NSD1: variants seen among roughly 807,000 people sequenced by gnomAD.
NSD1 encodes histone-lysine N-methyltransferase, H3 lysine-36 specific.
NSD1 carries 26 observed loss-of-function variants against 242.7 expected under a neutral mutation model. The ratio of observed to expected loss-of-function variants is 0.11; its 90% CI spans 0.08 to 0.15. NSD1 has a LOEUF of 0.15. Among genes scored for constraint, NSD1 ranks in the 10% least tolerant of loss-of-function variants. The pLI is 1.00. For missense variants in NSD1, 2,495 were observed against 3,272.8 expected (o/e 0.76, Z 5.80); for synonymous variants, 1,106 against 1,178.1 (o/e 0.94, Z 1.25).
At chr5:177,246,357 C>T (rs1766293764) in intron 9 of NSD1, among the ~76,000 whole-genome samples, 1 of 152,138 alleles carries the variant, frequency 6.6e-6, no homozygotes. Context: ...TAGTAAAATG[C>T]ATTTCCCCTT....
intron 8 of NSD1, among the ~76,000 whole-genome samples, 157 bp from the exon 9 acceptor site, chr5:177,244,038 G>A (rs1468134885): frequency 3.3e-5 from 5 of 152,180 alleles, no homozygotes; most frequent in Admixed American, 2.6e-4. Flanking sequence ...TGAAGTTTCC[G>A]TTCAACCCTT....
chr5:177,212,745 A>G lies in NSD1; in HGVS notation c.3796+550A>G, dbSNP rs546599177. ...CCAGTTGTTAGGTTATAGAAAGCAA[A>G]TAGATTCTATTGGATGGTAGTTTCT... On this transcript the variant is annotated intron_variant, in intron 5 of 22. Coordinates refer to ENST00000439151, the MANE Select transcript of NSD1 (RefSeq NM_022455.5). Among the ~76,000 whole-genome samples, 8 of 152,112 alleles carry G rather than the reference A, an allele frequency of 5.3e-5. No individual in the cohort carries two copies. In the East Asian group the frequency reaches 1.5e-3, roughly 29 times the overall value.
rs1195041731 is a variant in NSD1, at chr5:177,210,297, G to A, written c.1898G>A (p.Ser633Asn). 7 of 1,610,950 alleles carry A rather than the reference G, an allele frequency of 4.3e-6. No homozygotes were observed. The highest frequency in any genetic ancestry group is 5.9e-6 in the Non-Finnish European group (7 of 1,178,172). The change falls in exon 5 of 23, where the codon AGT becomes AAT. Residue 633 changes from serine to asparagine, a missense_variant. Transcript: ENST00000439151. ...GGAGCAGGTGATGAGGAAAAGCGAA[G>A]TGATTCCATTAGTATCTGTACCACT... ...YIGAGDEEKR[S>N]DSISICTTSD...
intron 2 of NSD1, among the ~76,000 whole-genome samples, chr5:177,185,793 A>ATATATATT (rs1199784946): frequency 3.9e-4 from 10 of 25,326 alleles, no homozygotes; most frequent in East Asian, 0.02. Context: ...TGTATATTAT[A>ATATATATT]TATATATATA....
chr5:177,204,620 G>A (rs559354159), intron 4 of NSD1, among the ~76,000 whole-genome samples: 89 of 152,284 alleles, frequency 5.8e-4, no homozygotes, highest in Non-Finnish European at 1.1e-3. Flanking sequence ...TTACAGGTGT[G>A]AGCCACTGTG....
chr5:177,296,853 T>G lies in NSD1; in HGVS notation c.*1394T>G, dbSNP rs1365171651. 5.1e-5 allele frequency: 12 copies of G among 233,238 alleles called. No individual in the cohort carries two copies. The highest frequency in any genetic ancestry group is 8.5e-5 in the Non-Finnish European group (10 of 118,090). The allele number at this position is 233,238 out of a possible 1,614,324, so 14.4% of individuals were successfully genotyped here. On this transcript the variant is annotated 3_prime_UTR_variant, in exon 23 of 23. Transcript: ENST00000439151. ...TGTTTGGCTAGTTTCCTCCCACTTGTCTACCCCTCCTTTGTCCTTAGACCA... is the reference window on the plus strand; with the variant it reads ...TGTTTGGCTAGTTTCCTCCCACTTGGCTACCCCTCCTTTGTCCTTAGACCA...
chr5:177,244,516 A>T (rs1219587578), intron 9 of NSD1, among the ~76,000 whole-genome samples: 3 of 152,204 alleles, frequency 2.0e-5, no homozygotes, highest in Admixed American at 6.5e-5. Flanking sequence ...TTAGGTTATT[A>T]TCTATAGTAT....
In NSD1 at chr5:177,294,180, G is replaced by T; in HGVS notation, c.6812G>T (p.Gly2271Val). 6.2e-7 allele frequency: 1 copy of T among 1,614,156 alleles called. No homozygotes were observed. The highest frequency in any genetic ancestry group is 8.5e-7 in the Non-Finnish European group (1 of 1,180,028). Reference sequence around the variant, plus strand: ...TCGCTCTCCAAAAAAGCTCTGGCAGGGACTTGTCAGAGGCCATTGCTACCT... The same window carrying T: ...TCGCTCTCCAAAAAAGCTCTGGCAGTGACTTGTCAGAGGCCATTGCTACCT... ...MLSLSKKALA[G>V]TCQRPLLPER... Residue 2271 changes from glycine to valine, a missense_variant, in exon 23 of 23, where the codon GGG becomes GTG. Around this residue, in one of 19 missense-constraint regions of NSD1, gnomAD observed 475 missense variants for 563.7 expected, o/e 0.84. Coordinates refer to ENST00000439151, the MANE Select transcript of NSD1 (RefSeq NM_022455.5).
chr5:177,272,859 A>G (rs78736376), intron 16 of NSD1, among the ~76,000 whole-genome samples: 7,411 of 152,180 alleles, frequency 0.049, 200 homozygotes, highest in South Asian at 0.082. Flanking sequence ...CTCCAACCAG[A>G]GTGTTAGAGT....
chr5:177,244,257 A>G lies in NSD1; in HGVS notation c.4365A>G (p.Lys1455=), dbSNP rs1369274536. The G allele has an allele frequency of 6.2e-7, 1 of 1,613,216 alleles. No individual in the cohort carries two copies. Reference sequence around the variant, plus strand: ...AATCTTGTGCCACATCTTATTCAAAAGATTTTGGTGGAGGTGAGTATTTTT... The same window carrying G: ...AATCTTGTGCCACATCTTATTCAAAGGATTTTGGTGGAGGTGAGTATTTTT... ...ITESCATSYS[K]DFGGGTTKIF... Residue 1455 remains lysine, a synonymous_variant, in exon 9 of 23, where the codon AAA becomes AAG. Coordinates refer to ENST00000439151, the MANE Select transcript of NSD1 (RefSeq NM_022455.5).
At chr5:177,267,468 A>C in intron 14 of NSD1, 94 bp from the exon 15 acceptor site, 1 of 1,052,080 alleles carries the variant, frequency 9.5e-7, no homozygotes, top group Non-Finnish European at 1.5e-6. Flanking sequence ...CTTTTAGTGA[A>C]GAGAAAGAAA....
chr5:177,270,118 G>T (rs937958920), intron 16 of NSD1, among the ~76,000 whole-genome samples: 1 of 152,020 alleles, frequency 6.6e-6, no homozygotes, highest in East Asian at 1.9e-4. Flanking sequence ...CTAGACAGAG[G>T]CTCAGATCTC....
intron 18 of NSD1, among the ~76,000 whole-genome samples, chr5:177,281,705 C>T (rs905769487): frequency 8.5e-5 from 13 of 152,070 alleles, no homozygotes; most frequent in Non-Finnish European, 1.9e-4. Flanking sequence ...CAAACTGGAG[C>T]GCACTGGTGC....
chr5:177,159,635 G>T (rs376523861), intron 2 of NSD1, among the ~76,000 whole-genome samples: 9 of 130,150 alleles, frequency 6.9e-5, no homozygotes, highest in African/African-American at 2.6e-4. Flanking sequence ...CGCTCTTGTT[G>T]CCCAGGCTGG....
At chr5:177,172,804 T>C (rs1313501711) in intron 2 of NSD1, among the ~76,000 whole-genome samples, 1 of 151,528 alleles carries the variant, frequency 6.6e-6, no homozygotes, top group Non-Finnish European at 1.5e-5. Context: ...AAAAATTTTT[T>C]TTAAAAACTA....
intron 2 of NSD1, among the ~76,000 whole-genome samples, chr5:177,181,426 G>GTTTTTTTTTT (rs1554183364): frequency 8.3e-6 from 1 of 119,774 alleles, no homozygotes; most frequent in Non-Finnish European, 1.6e-5. Flanking sequence ...GTTTTTTTTT[G>GTTTTTTTTTT]GTTTTTTTTT....
At chr5:177,166,217 A>G (rs951533242) in intron 2 of NSD1, among the ~76,000 whole-genome samples, 1 of 151,914 alleles carries the variant, frequency 6.6e-6, no homozygotes, top group Non-Finnish European at 1.5e-5. Context: ...CTGGCCTCCC[A>G]GCCCACATTC....
At chr5:177,172,201 C>A (rs192650630) in intron 2 of NSD1, among the ~76,000 whole-genome samples, 1 of 152,270 alleles carries the variant, frequency 6.6e-6, no homozygotes, top group East Asian at 1.9e-4. Flanking sequence ...ACTGTGGCAG[C>A]CTTTGCTAAA....
chr5:177,158,237 A>ATTTCTTTCTTTCTTTC (rs1166834243), intron 2 of NSD1, among the ~76,000 whole-genome samples: 30 of 109,116 alleles, frequency 2.7e-4, no homozygotes, highest in Non-Finnish European at 4.6e-4. Flanking sequence ...ATGGGTTCTA[A>ATTTCTTTCTTTCTTTC]TTTCTTTCTT....
Sources: gnomAD v4.1 joint callset for allele counts (sites outside exome capture counted in the v4.1 genomes callset) on GRCh38, gnomAD v4.1.1 for gene constraint, gnomAD v4.1.1 regional missense constraint, MANE v1.5 for transcripts, NCBI Gene and HGNC (gene_info 2026-07-23, HGNC 2026-07-21) for gene names.